The following ZNF107 variants were observed in gnomAD, a reference collection of about 807,000 sequenced individuals.
ZNF107 encodes the protein C2H2 type zinc-finger protein.
A neutral mutation model predicts 12.3 loss-of-function variants in ZNF107; 19 were observed. The ratio of observed to expected loss-of-function variants is 1.55; its 90% confidence interval spans 1.08 to 2.27. The LOEUF is 2.27. Among genes scored for constraint, ZNF107 ranks in the 30% most tolerant of loss-of-function variants. The probability of loss-of-function intolerance (pLI) is 0.00; values close to 1 mark genes in which losing one functional copy is unlikely to be tolerated. For synonymous variants in ZNF107, 317 were observed against 330.5 expected (o/e 0.96, Z 0.44); for missense variants, 958 against 979.9 (o/e 0.98, Z 0.30).
intron 1 of ZNF107, among the ~76,000 whole-genome samples, chr7:64,670,322 A>C (rs1272929324): frequency 6.6e-6 from 1 of 152,124 alleles, no homozygotes; most frequent in East Asian, 1.9e-4. Flanking sequence ...AAAGAAGGTC[A>C]CAGGGGAATG....
chr7:64,671,707 C>T (rs1012337582), intron 1 of ZNF107, among the ~76,000 whole-genome samples: 1 of 151,120 alleles, frequency 6.6e-6, no homozygotes, highest in East Asian at 1.9e-4. Context: ...AGGGTGGTTT[C>T]GTGTGCAGAT....
intron 1 of ZNF107, among the ~76,000 whole-genome samples, chr7:64,670,737 CT>C (rs1359382456): frequency 1.3e-5 from 2 of 152,196 alleles, no homozygotes; most frequent in Non-Finnish European, 2.9e-5. Flanking sequence ...TTCCCCATCT[CT>C]TTTCTTTGTC....
Position 64,707,376 on chromosome 7 carries a change from T to C in ZNF107, c.1279T>C (p.Cys427Arg). 6.2e-7 allele frequency: 1 copy of C among 1,613,432 alleles called. No homozygotes were observed. Among genetic ancestry groups the C allele is most frequent in the Non-Finnish European group, 8.5e-7 (1 of 1,179,742 alleles). The change falls in exon 4 of 4, where the codon TGT becomes CGT. Residue 427 changes from cysteine to arginine, a missense_variant. Cys to Arg is a radical substitution (Grantham distance 180). Transcript: ENST00000620827. The stretch of plus-strand genomic sequence containing the variant: ...TCATACTGGAGAGAAACCCTACAAA[T>C]GTAAAGAATGTGGCAAAGCTTTTAA... The part of the protein sequence containing the change: ...IIHTGEKPYK[C>R]KECGKAFNQS...
At position 64,706,516 on chromosome 7, in the gene ZNF107, CCCCAAGCAAAATATTCCAGTGTA is replaced by C; in HGVS notation, c.420_442del (p.Pro141Ter). 6.2e-7 allele frequency: 1 copy of C among 1,610,578 alleles called. No homozygotes were observed. ...ACAGTTAACCAATGTTTGACAGCTA[CCCCAAGCAAAATATTCCAGTGTA>C]ATAAATATGTGAAAGTCTTTGATAA... is the stretch of plus-strand genomic sequence containing the variant. On this transcript the variant is annotated frameshift_variant, in exon 4 of 4. Transcript: ENST00000620827. LOFTEE classifies it low-confidence loss of function (END_TRUNC).
intron 3 of ZNF107, among the ~76,000 whole-genome samples, chr7:64,700,795 C>T (rs912434343): frequency 6.6e-6 from 1 of 152,138 alleles, no homozygotes; most frequent in Non-Finnish European, 1.5e-5. Context: ...CCGCCTTTGC[C>T]TCCCAAAGTG....
chr7:64,705,023 C>T (rs1293392693), intron 3 of ZNF107, among the ~76,000 whole-genome samples: 1 of 152,058 alleles, frequency 6.6e-6, no homozygotes, highest in Non-Finnish European at 1.5e-5. Context: ...TTTGGCAGGA[C>T]AGTTGTTGGT....
intron 1 of ZNF107, among the ~76,000 whole-genome samples, chr7:64,668,264 T>C (rs1178835413): frequency 2.0e-5 from 3 of 151,532 alleles, no homozygotes; most frequent in African/African-American, 7.3e-5. Context: ...CAGTAACTCG[T>C]CATTTAGCAT....
chr7:64,691,033 C>T (rs923043403), intron 1 of ZNF107, among the ~76,000 whole-genome samples: 2 of 152,144 alleles, frequency 1.3e-5, no homozygotes, highest in African/African-American at 4.8e-5. Context: ...CCACCGCGCT[C>T]GGCCTAATTT....
At chr7:64,687,281 G>A (rs762761201) in intron 1 of ZNF107, 3 of 985,770 alleles carry the variant, frequency 3.0e-6, no homozygotes, top group Non-Finnish European at 3.6e-6. Flanking sequence ...AAATCCAGCA[G>A]AGTGATTTCC....
At chr7:64,699,552 G>A (rs1198785022) in intron 3 of ZNF107, among the ~76,000 whole-genome samples, 1 of 152,128 alleles carries the variant, frequency 6.6e-6, no homozygotes, top group African/African-American at 2.4e-5. Flanking sequence ...AGTTTCCTGA[G>A]TAGCTAGGAC....
chr7:64,690,961 G>A lies in ZNF107; in HGVS notation c.4-287G>A, dbSNP rs928311621. Among the ~76,000 whole-genome samples, 7 of 151,850 alleles carry A rather than the reference G, an allele frequency of 4.6e-5. No homozygotes were observed. The East Asian group carries it at 9.7e-4, about 21-fold the overall frequency. ...TCACCATGTTGGTCAGGCTGGTCTC[G>A]AACTCTTCAACCTCAGGTGATCCGC... is the stretch of plus-strand genomic sequence containing the variant. On this transcript the variant is annotated intron_variant, in intron 1 of 3. Transcript: ENST00000620827.
At chr7:64,696,308 A>G (rs975330319) in intron 3 of ZNF107, among the ~76,000 whole-genome samples, 2 of 151,976 alleles carry the variant, frequency 1.3e-5, no homozygotes, top group Non-Finnish European at 2.9e-5. Flanking sequence ...TCGGCCTTTC[A>G]AAGTGCTGGG....
chr7:64,679,034 A>G (rs34377087), intron 1 of ZNF107: 10,854 of 154,360 alleles, frequency 0.07, 574 homozygotes, highest in East Asian at 0.27. Flanking sequence ...AGCAGCAGAG[A>G]TGAAAGAGGA....
In ZNF107 at chr7:64,708,984, G is replaced by T. The variant is rs1790796320; in HGVS notation, c.*328G>T. The T allele has an allele frequency of 4.3e-6, 2 of 461,510 alleles. No homozygotes were observed. The highest frequency in any genetic ancestry group is 8.2e-6 in the Non-Finnish European group (2 of 243,960). 28.6% of individuals were successfully genotyped at this position (461,510 alleles called of 1,614,324 possible). Reference sequence around the variant, plus strand: ...ATACAAATGAGAAGAATGTGGCAATGCCTTTAATCAGTCCTCACACCTTTC... The same window carrying T: ...ATACAAATGAGAAGAATGTGGCAATTCCTTTAATCAGTCCTCACACCTTTC... On this transcript the variant is annotated 3_prime_UTR_variant, in exon 4 of 4. Transcript: ENST00000620827.
intron 3 of ZNF107, among the ~76,000 whole-genome samples, chr7:64,702,476 C>T (rs749135316): frequency 6.6e-6 from 1 of 151,952 alleles, no homozygotes; most frequent in Non-Finnish European, 1.5e-5. Context: ...AATACAAAAA[C>T]TAAACCTCTA....
intron 1 of ZNF107, chr7:64,687,630 C>A: frequency 2.2e-6 from 2 of 927,158 alleles, no homozygotes; most frequent in Non-Finnish European, 2.6e-6. Context: ...TGATTATAAC[C>A]AATTAGCATA....
chr7:64,679,215 TA>T (rs1292993763), intron 1 of ZNF107: 1 of 984,828 alleles, frequency 1.0e-6, no homozygotes, highest in Admixed American at 6.1e-5. Context: ...AAATCCGGGA[TA>T]GGGGAACTCC....
Position 64,707,720 on chromosome 7 carries a change from A to G in ZNF107, c.1623A>G (p.Glu541=), listed in dbSNP as rs1790719823. Residue 541 remains glutamate, a synonymous_variant, in exon 4 of 4, where the codon GAA becomes GAG. Transcript: ENST00000620827. ...HTGEKPYKCE[E]CGKAFNRFST... Reference sequence around the variant, plus strand: ...GAGAGAAACCCTATAAATGTGAGGAATGTGGCAAAGCTTTTAACCGATTCT... The same window carrying G: ...GAGAGAAACCCTATAAATGTGAGGAGTGTGGCAAAGCTTTTAACCGATTCT... 6.2e-7 allele frequency: 1 copy of G among 1,612,908 alleles called. No homozygotes were observed. Among genetic ancestry groups the G allele is most frequent in the African/African-American group, 1.3e-5 (1 of 74,894 alleles).
intron 3 of ZNF107, 39 bp from the exon 4 acceptor site, chr7:64,706,285 C>T (rs1397267998): frequency 9.5e-6 from 14 of 1,474,858 alleles, no homozygotes; most frequent in Non-Finnish European, 1.2e-5. Context: ...TTATCTGAGT[C>T]TAGCAAGTGG....
Sources: allele counts gnomAD v4.1 joint callset (sites outside exome capture counted in the v4.1 genomes callset), GRCh38; gene constraint gnomAD v4.1.1; transcripts MANE v1.5; gene names NCBI Gene and HGNC (gene_info 2026-07-23, HGNC 2026-07-21).